The following WWOX variants were observed in gnomAD, a reference collection of about 807,000 sequenced individuals.
The protein encoded by WWOX is WW domain-containing oxidoreductase.
A neutral mutation model predicts 46.2 loss-of-function variants in WWOX; 69 were observed. That is an observed-to-expected ratio of 1.49 (90% CI 1.23 to 1.82). The LOEUF (loss-of-function observed/expected upper bound fraction) is 1.82, where lower values mean the gene tolerates loss of function less well. Ranked by LOEUF, WWOX falls within the 40% of genes most tolerant of loss-of-function variation. WWOX has a pLI of 0.00. For synonymous variants in WWOX, 359 were observed against 202.6 expected, an observed-to-expected ratio of 1.77 and a Z score of -6.56; for missense variants, 919 against 542.6, an observed-to-expected ratio of 1.69 and a Z score of -6.89.
chr16:78,627,329 A>T (rs2046333102), intron 8 of WWOX, among the ~76,000 whole-genome samples: 1 of 152,032 alleles, frequency 6.6e-6, no homozygotes, highest in Non-Finnish European at 1.5e-5. Flanking sequence ...ATCACAAACT[A>T]CTCAGTATGG....
chr16:79,059,699 T>C (rs1223542407), intron 8 of WWOX, among the ~76,000 whole-genome samples: 1 of 152,188 alleles, frequency 6.6e-6, no homozygotes, highest in African/African-American at 2.4e-5. Flanking sequence ...TTTCACTATG[T>C]TGGCCAGGCA....
At chr16:78,306,628 T>A (rs776682320) in intron 5 of WWOX, among the ~76,000 whole-genome samples, 26 of 152,148 alleles carry the variant, frequency 1.7e-4, no homozygotes, top group Middle Eastern at 3.2e-3. Context: ...CAATTCCCAG[T>A]GAGCCCAACT....
At chr16:78,393,736 G>C (rs901837517) in intron 6 of WWOX, among the ~76,000 whole-genome samples, 1 of 151,912 alleles carries the variant, frequency 6.6e-6, no homozygotes, top group African/African-American at 2.4e-5. Flanking sequence ...CTGCATTTTT[G>C]ATCATGGATT....
chr16:79,081,766 C>A (rs955540934), intron 8 of WWOX, among the ~76,000 whole-genome samples: 1 of 152,258 alleles, frequency 6.6e-6, no homozygotes, highest in East Asian at 1.9e-4. Flanking sequence ...TCCTGTCTCA[C>A]GCTGGATGCT....
chr16:78,825,891 A>T, intron 8 of WWOX: 1 of 690,056 alleles, frequency 1.4e-6, no homozygotes. Context: ...CCTCTGCCTG[A>T]CCACGTGAGC....
chr16:79,018,621 C>T (rs966267181), intron 8 of WWOX, among the ~76,000 whole-genome samples: 7 of 152,098 alleles, frequency 4.6e-5, no homozygotes, highest in Non-Finnish European at 1.0e-4. Context: ...TAAGACACCA[C>T]CATTTCAAAG....
At chr16:79,037,316 C>T (rs189973193) in intron 8 of WWOX, among the ~76,000 whole-genome samples, 191 of 152,256 alleles carry the variant, frequency 1.3e-3, no homozygotes, top group Non-Finnish European at 2.1e-3. Context: ...TGGGTGAAAC[C>T]AGAATGGTTT....
chr16:78,683,833 G>C (rs2047789346), intron 8 of WWOX, among the ~76,000 whole-genome samples: 3 of 152,170 alleles, frequency 2.0e-5, no homozygotes, highest in Non-Finnish European at 4.4e-5. Flanking sequence ...CAGATTTTCT[G>C]AGTGTTTAAT....
intron 8 of WWOX, among the ~76,000 whole-genome samples, chr16:78,867,073 A>G (rs1191118213): frequency 1.3e-5 from 2 of 152,132 alleles, no homozygotes; most frequent in African/African-American, 2.4e-5. Flanking sequence ...AGTATTCACA[A>G]TTGGAGAAGG....
rs560288008 is a variant in WWOX at position 78,845,832 on chromosome 16, C to G, written c.1057-365776C>G. ...TTATGTGGGCACTTAAGACATGGAG[C>G]TGAGAGTGAATATGAGAGTGAATAT... On this transcript the variant is annotated intron_variant, in intron 8 of 8. Transcript: ENST00000566780. 3.3e-5 allele frequency among the ~76,000 whole-genome samples: 5 copies of G among 152,296 alleles called. No homozygotes were observed. In the South Asian group the frequency reaches 1.0e-3, roughly 32 times the overall value.
chr16:78,439,705 C>G (rs1220847365), intron 8 of WWOX, among the ~76,000 whole-genome samples: 1 of 152,168 alleles, frequency 6.6e-6, no homozygotes, highest in African/African-American at 2.4e-5. Context: ...GTTATTAACA[C>G]CCACTTAAAG....
Position 78,547,610 on chromosome 16 carries a change from C to A in WWOX, c.1056+114858C>A, listed in dbSNP as rs374562847. On this transcript the variant is annotated intron_variant, in intron 8 of 8. Transcript: ENST00000566780. ...TAGGTGGCTTATAAACACCTGAAAT[C>A]TATTTCTCATAGTTCTTGAGGCTGG... is the stretch of plus-strand genomic sequence containing the variant. Among the ~76,000 whole-genome samples, 21 of 152,274 alleles carry A rather than the reference C, an allele frequency of 1.4e-4. No individual in the cohort carries two copies. In the East Asian group the frequency reaches 2.9e-3, roughly 21 times the overall value.
intron 8 of WWOX, among the ~76,000 whole-genome samples, chr16:79,023,666 T>A (rs1169845174): frequency 6.6e-6 from 1 of 152,034 alleles, no homozygotes; most frequent in Non-Finnish European, 1.5e-5. Flanking sequence ...ACACCTGTAA[T>A]CCCAGCACTT....
At chr16:78,532,746 G>A (rs28550754) in intron 8 of WWOX, among the ~76,000 whole-genome samples, 2,171 of 151,844 alleles carry the variant, frequency 0.014, 23 homozygotes, top group African/African-American at 0.027. Flanking sequence ...TTATGATACC[G>A]TCAGATTCCT....
intron 8 of WWOX, among the ~76,000 whole-genome samples, chr16:78,950,593 C>G (rs142371335): frequency 2.0e-5 from 3 of 151,580 alleles, no homozygotes; most frequent in African/African-American, 7.3e-5. Context: ...ATGGAGATTT[C>G]TAACATAATA....
intron 8 of WWOX, among the ~76,000 whole-genome samples, chr16:78,789,007 C>T (rs531352848): frequency 1.2e-4 from 18 of 152,282 alleles, no homozygotes; most frequent in African/African-American, 4.3e-4. Flanking sequence ...TTCTCTCATT[C>T]TGTGGGTAGT....
chr16:79,090,899 T>C (rs2048946393), intron 8 of WWOX, among the ~76,000 whole-genome samples: 1 of 152,180 alleles, frequency 6.6e-6, no homozygotes, highest in Non-Finnish European at 1.5e-5. Flanking sequence ...GTTCAAACAA[T>C]TGTCCTGCCT....
At chr16:79,152,545 C>G (rs1010354834) in intron 8 of WWOX, among the ~76,000 whole-genome samples, 1 of 152,032 alleles carries the variant, frequency 6.6e-6, no homozygotes, top group South Asian at 2.1e-4. Context: ...GTGGCGTGTT[C>G]CTGTAGTCTC....
At chr16:78,777,906 G>A (rs2050231331) in intron 8 of WWOX, among the ~76,000 whole-genome samples, 1 of 152,072 alleles carries the variant, frequency 6.6e-6, no homozygotes, top group African/African-American at 2.4e-5. Flanking sequence ...TGAGCTGGGT[G>A]TGGTGGCACA....
Sources: allele counts gnomAD v4.1 joint callset (sites outside exome capture counted in the v4.1 genomes callset), GRCh38; gene constraint gnomAD v4.1.1; transcripts MANE v1.5; gene names NCBI Gene and HGNC (gene_info 2026-07-23, HGNC 2026-07-21).